Variants in KCTD16 observed in about 807,000 individuals in gnomAD.
KCTD16 encodes BTB/POZ domain-containing protein KCTD16.
A neutral mutation model predicts 33.2 loss-of-function variants in KCTD16; 13 were observed. The ratio of observed to expected loss-of-function variants is 0.39; its 90% CI spans 0.25 to 0.62. The LOEUF (loss-of-function observed/expected upper bound fraction) is 0.62, where lower values mean the gene tolerates loss of function less well. Among genes scored for constraint, KCTD16 ranks in the 20% least tolerant of loss-of-function variants. The pLI is 0.50. For missense variants in KCTD16, 441 were observed against 525.1 expected, an observed-to-expected ratio of 0.84 and a Z score of 1.57; for synonymous variants, 197 against 195.3, an observed-to-expected ratio of 1.01 and a Z score of -0.07.
At chr5:144,196,333 A>C (rs1752938486) in intron 2 of KCTD16, among the ~76,000 whole-genome samples, 1 of 152,162 alleles carries the variant, frequency 6.6e-6, no homozygotes, top group African/African-American at 2.4e-5. Flanking sequence ...AAACTCCATC[A>C]GTCACTTCCA....
At chr5:144,402,512 G>A (rs151140854) in intron 3 of KCTD16, among the ~76,000 whole-genome samples, 5 of 152,260 alleles carry the variant, frequency 3.3e-5, no homozygotes, top group African/African-American at 4.8e-5. Flanking sequence ...GTGAGTTCAG[G>A]TTCTGACTCC....
chr5:144,259,917 C>T (rs1370295762), intron 3 of KCTD16, among the ~76,000 whole-genome samples: 1 of 152,158 alleles, frequency 6.6e-6, no homozygotes, highest in Non-Finnish European at 1.5e-5. Context: ...AATGGTTCAA[C>T]CCCGTTCTGT....
rs928755500 is a variant in KCTD16 at position 144,483,628 on chromosome 5, G to C, written c.*9514G>C. 4 of 151,936 alleles carry C rather than the reference G, an allele frequency of 2.6e-5. No individual in the cohort carries two copies. Among genetic ancestry groups the C allele is most frequent in the African/African-American group, 4.8e-5 (2 of 41,400 alleles). The allele number at this position is 151,936 out of a possible 1,614,324, so 9.4% of individuals were successfully genotyped here. On this transcript the variant is annotated 3_prime_UTR_variant, in exon 4 of 4. Transcript: ENST00000512467. The stretch of plus-strand genomic sequence containing the variant: ...GAATTTTGGCCATCTTAAGAATACA[G>C]TAAGTTGTGTACTCATTCATAGCCA...
intron 3 of KCTD16, among the ~76,000 whole-genome samples, chr5:144,413,884 G>T (rs1752987396): frequency 6.6e-6 from 1 of 152,152 alleles, no homozygotes; most frequent in African/African-American, 2.4e-5. Context: ...CCAGGTTCTG[G>T]TTTGAAGTCT....
At chr5:144,361,985 T>C (rs1177060992) in intron 3 of KCTD16, among the ~76,000 whole-genome samples, 1 of 151,458 alleles carries the variant, frequency 6.6e-6, no homozygotes, top group Non-Finnish European at 1.5e-5. Context: ...GGGAAGTCAC[T>C]TAACATTTCT....
intron 3 of KCTD16, among the ~76,000 whole-genome samples, chr5:144,378,607 T>G (rs1355041768): frequency 6.6e-6 from 1 of 152,188 alleles, no homozygotes; most frequent in Admixed American, 6.6e-5. Flanking sequence ...CCAACTTTAT[T>G]AAGTATGTCA....
At chr5:144,403,668 C>T (rs182090522) in intron 3 of KCTD16, among the ~76,000 whole-genome samples, 26 of 152,250 alleles carry the variant, frequency 1.7e-4, no homozygotes, top group Non-Finnish European at 2.8e-4. Context: ...ATTATAGTAG[C>T]CCTTGGAAAC....
intron 3 of KCTD16, among the ~76,000 whole-genome samples, chr5:144,346,844 G>C (rs1187065480): frequency 6.6e-6 from 1 of 152,034 alleles, no homozygotes; most frequent in Admixed American, 6.6e-5. Flanking sequence ...TTGTTGTGCA[G>C]AAGCGTTTTA....
chr5:144,183,658 C>G (rs1467068460), intron 2 of KCTD16, among the ~76,000 whole-genome samples: 1 of 152,162 alleles, frequency 6.6e-6, no homozygotes, highest in East Asian at 1.9e-4. Flanking sequence ...CCAGCTAGAA[C>G]TAGAAATTGT....
At chr5:144,192,836 C>T (rs1752868950) in intron 2 of KCTD16, among the ~76,000 whole-genome samples, 1 of 152,166 alleles carries the variant, frequency 6.6e-6, no homozygotes, top group Admixed American at 6.5e-5. Context: ...GAAGGTGAGG[C>T]CAGATAGCAG....
chr5:144,182,042 G>A (rs1345091682), intron 2 of KCTD16, among the ~76,000 whole-genome samples: 1 of 148,966 alleles, frequency 6.7e-6, no homozygotes, highest in Non-Finnish European at 1.5e-5. Context: ...CTGAGATCGC[G>A]CCACTGCACT....
In KCTD16 at chr5:144,223,938, C is replaced by T. The variant is rs539016260; in HGVS notation, c.832+16392C>T. Among the ~76,000 whole-genome samples the T allele has an allele frequency of 3.3e-5, 5 of 151,716 alleles. 1 individual carries two copies. The highest frequency in any genetic ancestry group is 1.2e-4 in the African/African-American group (5 of 41,392). ...CAATTCCAGGAAACCTAGGGCTCAG[C>T]GTAGGTGTTTTTTTTTAAAAAAACC... On this transcript the variant is annotated intron_variant, in intron 3 of 3. Coordinates refer to ENST00000512467, the MANE Select transcript of KCTD16 (RefSeq NM_020768.4).
At chr5:144,315,384 GA>G (rs1228669714) in intron 3 of KCTD16, among the ~76,000 whole-genome samples, 3 of 151,996 alleles carry the variant, frequency 2.0e-5, no homozygotes, top group African/African-American at 4.8e-5. Flanking sequence ...CTGTGCTAAA[GA>G]AACATTTCTT....
At chr5:144,337,149 G>T (rs1464799524) in intron 3 of KCTD16, among the ~76,000 whole-genome samples, 1 of 151,742 alleles carries the variant, frequency 6.6e-6, no homozygotes. Flanking sequence ...CTAACTTAAG[G>T]CATTTTAATT....
intron 3 of KCTD16, among the ~76,000 whole-genome samples, chr5:144,280,909 G>T (rs895995600): frequency 6.7e-6 from 1 of 149,176 alleles, no homozygotes; most frequent in Non-Finnish European, 1.5e-5. Context: ...CAAAAAATTA[G>T]CCGGGCGTGG....
chr5:144,173,530 A>G (rs1334338023), intron 1 of KCTD16, among the ~76,000 whole-genome samples: 1 of 152,158 alleles, frequency 6.6e-6, no homozygotes, highest in Non-Finnish European at 1.5e-5. Context: ...ACTAGGCTTA[A>G]TACCTGGGTG....
intron 3 of KCTD16, among the ~76,000 whole-genome samples, chr5:144,302,299 TGAAAA>T (rs1407206683): frequency 6.6e-6 from 1 of 151,834 alleles, no homozygotes; most frequent in Non-Finnish European, 1.5e-5. Context: ...AAGAAAAAAA[TGAAAA>T]GAAACAAAAG....
At chr5:144,307,783 G>GCTGCTGCCGCTGCTA (rs1751647909) in intron 3 of KCTD16, among the ~76,000 whole-genome samples, 1 of 152,334 alleles carries the variant, frequency 6.6e-6, no homozygotes, top group South Asian at 2.1e-4. Flanking sequence ...TGTTGTTGCT[G>GCTGCTGCCGCTGCTA]CTGCTGCCGC....
chr5:144,201,074 G>A (rs534368137), intron 2 of KCTD16, among the ~76,000 whole-genome samples: 9 of 152,114 alleles, frequency 5.9e-5, no homozygotes, highest in Non-Finnish European at 1.3e-4. Context: ...TTCCCCCATT[G>A]GTAGGATTTT....
Sources: allele counts gnomAD v4.1 joint callset (sites outside exome capture counted in the v4.1 genomes callset), GRCh38; gene constraint gnomAD v4.1.1; transcripts MANE v1.5; gene names NCBI Gene and HGNC (gene_info 2026-07-23, HGNC 2026-07-21).